Variants in BIN1 observed in about 807,000 individuals in gnomAD.
The protein encoded by BIN1 is bridging integrator 1.
In BIN1, 53 loss-of-function variants were observed where a neutral mutation model predicts 82.0. The ratio of observed to expected loss-of-function variants is 0.65; its 90% CI spans 0.52 to 0.81. The LOEUF is 0.81. Among genes scored for constraint, BIN1 ranks in the 40% least tolerant of loss-of-function variants. The probability of loss-of-function intolerance (pLI) is 0.00; values close to 1 mark genes in which losing one functional copy is unlikely to be tolerated. For missense variants in BIN1, 642 were observed against 784.4 expected (o/e 0.82, Z 2.17); for synonymous variants, 302 against 328.0 (o/e 0.92, Z 0.86).
intron 1 of BIN1, among the ~76,000 whole-genome samples, chr2:127,094,165 AG>A: frequency 6.6e-6 from 1 of 152,302 alleles, no homozygotes; most frequent in South Asian, 2.1e-4. Flanking sequence ...TGAAACTTGG[AG>A]GGGGAGTAAC....
intron 1 of BIN1, among the ~76,000 whole-genome samples, chr2:127,091,725 C>A (rs1358984844): frequency 6.6e-6 from 1 of 150,414 alleles, no homozygotes; most frequent in Non-Finnish European, 1.5e-5. Context: ...CCCATTTCTA[C>A]AAAAAAAAAA....
chr2:127,069,904 C>A, intron 5 of BIN1, 91 bp downstream of exon 5: 2 of 1,366,452 alleles, frequency 1.5e-6, no homozygotes, highest in Admixed American at 1.9e-5. Context: ...AGGACAGCCT[C>A]CTCCTGGCCT....
chr2:127,093,262 G>A lies in BIN1; in HGVS notation c.84+13598C>T, dbSNP rs1679174653. On this transcript the variant is annotated intron_variant, in intron 1 of 18. Coordinates refer to ENST00000316724, the MANE Select transcript of BIN1 (RefSeq NM_139343.3). The surrounding 1 kb of genome is among the most constrained non-coding windows in gnomAD (Gnocchi z 5.7). ...AACAAAGGGCATGTGAAAGGCCTCA[G>A]AGGTAAGCTCTCTGTGACCTTCTCC... Among the ~76,000 whole-genome samples, 2 of 152,232 alleles carry A rather than the reference G, an allele frequency of 1.3e-5. No individual in the cohort carries two copies. Among genetic ancestry groups the A allele is most frequent in the South Asian group, 4.1e-4 (2 of 4,834 alleles).
intron 2 of BIN1, among the ~76,000 whole-genome samples, chr2:127,076,297 A>G (rs889842573): frequency 1.3e-5 from 2 of 152,038 alleles, no homozygotes. Context: ...AGAAGCTTCT[A>G]TAGCTCCCAC....
At chr2:127,064,355 C>A (rs1684883159) in intron 7 of BIN1, among the ~76,000 whole-genome samples, 1 of 152,182 alleles carries the variant, frequency 6.6e-6, no homozygotes, top group African/African-American at 2.4e-5. Context: ...CAGAGGCAGA[C>A]CCCAGACCCA....
Position 127,057,457 on chromosome 2 carries a change from G to A in BIN1, c.1131+16C>T, listed in dbSNP as rs1361206153. 18 of 1,542,266 alleles carry A rather than the reference G, an allele frequency of 1.2e-5. No homozygotes were observed. Among genetic ancestry groups the A allele is most frequent in the African/African-American group, 5.5e-5 (4 of 72,946 alleles). ...CAGGAAGAGAGGAGAGCTGGGCCGC[G>A]GCGGCCGCGGCTGACCTGGGAGGGG... is the stretch of plus-strand genomic sequence containing the variant. On this transcript the variant is annotated intron_variant, in intron 12 of 18. Transcript: ENST00000316724. This position sits in a 1 kb window ranked among gnomAD's most constrained non-coding sequence, Gnocchi z 5.0.
At chr2:127,102,357 G>C (rs556752676) in intron 1 of BIN1, among the ~76,000 whole-genome samples, 1 of 152,208 alleles carries the variant, frequency 6.6e-6, no homozygotes, top group Non-Finnish European at 1.5e-5. Context: ...TGAAGAGGGC[G>C]CAGAGAGTTC....
chr2:127,059,237 T>C lies in BIN1; in HGVS notation c.858-82A>G. ...GGAGGGGCAAATGTATTGACGTCTG[T>C]GTGAAGAGGTGTGTGCATATGGAGG... On this transcript the variant is annotated intron_variant, in intron 10 of 18. Coordinates refer to ENST00000316724, the MANE Select transcript of BIN1 (RefSeq NM_139343.3). This position sits in a 1 kb window ranked among gnomAD's most constrained non-coding sequence, Gnocchi z 6.7. 3.4e-6 allele frequency: 5 copies of C among 1,482,998 alleles called. No homozygotes were observed. In the Middle Eastern group the frequency reaches 5.1e-4, roughly 151 times the overall value. The allele number at this position is 1,482,998 out of a possible 1,614,324, so 91.9% of individuals were successfully genotyped here.
At position 127,076,608 on chromosome 2, in the gene BIN1, A is replaced by C. The variant is rs1223538669; in HGVS notation, c.165+18T>G. 1.2e-6 allele frequency: 2 copies of C among 1,614,038 alleles called. No individual in the cohort carries two copies. Among genetic ancestry groups the C allele is most frequent in the Non-Finnish European group, 1.7e-6 (2 of 1,179,988 alleles). The stretch of plus-strand genomic sequence containing the variant: ...AATTTTCACAAACTCCCTAAGGCCA[A>C]GGGCCACCCACACTCACCAGCTGCT... On this transcript the variant is annotated intron_variant, in intron 2 of 18. Coordinates refer to ENST00000316724, the MANE Select transcript of BIN1 (RefSeq NM_139343.3).
rs768007611 is a variant in BIN1 at position 127,106,843 on chromosome 2, G to C, written c.84+17C>G. 1.3e-6 allele frequency: 2 copies of C among 1,587,300 alleles called. No individual in the cohort carries two copies. The highest frequency in any genetic ancestry group is 1.7e-4 in the Middle Eastern group (1 of 5,920). On this transcript the variant is annotated intron_variant, in intron 1 of 18. Coordinates refer to ENST00000316724, the MANE Select transcript of BIN1 (RefSeq NM_139343.3). ...GCGGCTGGGACTCCGCGGCTGCTGG[G>C]GCTCCGGCTCGCTCACCTTCTCCTG... is the stretch of plus-strand genomic sequence containing the variant.
rs1682406958 is a variant in BIN1 at position 127,048,136 on chromosome 2, G to A, written c.*390C>T. The A allele has an allele frequency of 3.2e-6, 1 of 310,654 alleles. No individual in the cohort carries two copies. The allele number at this position is 310,654 out of a possible 1,614,324, so 19.2% of individuals were successfully genotyped here. A position where few individuals can be genotyped will look rare whatever the true frequency, so the allele number is the denominator to read the frequency against. On this transcript the variant is annotated 3_prime_UTR_variant, in exon 19 of 19. Transcript: ENST00000316724. ...TGCGGGGCAGAGCCAGGCTAGGCTGGTGTCTGGGCCCCACCCACAGCAGCT... is the reference window on the plus strand; with the variant it reads ...TGCGGGGCAGAGCCAGGCTAGGCTGATGTCTGGGCCCCACCCACAGCAGCT...
Position 127,048,267 on chromosome 2 carries a change from C to T in BIN1, c.*259G>A. ...CCCTGCGGCCAGGCACACATGCGGG[C>T]ACAGGCAGGGGCGCCAGAAACTCAA... On this transcript the variant is annotated 3_prime_UTR_variant, in exon 19 of 19. Coordinates refer to ENST00000316724, the MANE Select transcript of BIN1 (RefSeq NM_139343.3). The T allele has an allele frequency of 2.1e-6, 1 of 481,058 alleles. No individual in the cohort carries two copies. The highest frequency in any genetic ancestry group is 2.0e-5 in the African/African-American group (1 of 51,058). 29.8% of individuals were successfully genotyped at this position (481,058 alleles called of 1,614,324 possible). A position where few individuals can be genotyped will look rare whatever the true frequency, so the allele number is the denominator to read the frequency against.
chr2:127,070,608 T>C lies in BIN1; in HGVS notation c.260A>G (p.Gln87Arg), dbSNP rs1436882543. 8 of 1,614,078 alleles carry C rather than the reference T, an allele frequency of 5.0e-6. No individual in the cohort carries two copies. In the East Asian group the frequency reaches 1.8e-4, roughly 36 times the overall value. The change falls in exon 4 of 19, where the codon CAG becomes CGG. Residue 87 changes from glutamine to arginine, a missense_variant. Coordinates refer to ENST00000316724, the MANE Select transcript of BIN1 (RefSeq NM_139343.3). Reference sequence around the variant, plus strand: ...GGGCCAATCGGGCTCATACACCTCCTGCAGACACTCATTCAGCTTCTTGGA... The same window carrying C: ...GGGCCAATCGGGCTCATACACCTCCCGCAGACACTCATTCAGCTTCTTGGA... ...EASKKLNECLQEVYEPDWPGR... is the reference protein window; with the variant it reads ...EASKKLNECLREVYEPDWPGR...
In BIN1 at chr2:127,096,002, C is replaced by T. The variant is rs1378917232; in HGVS notation, c.84+10858G>A. Reference sequence around the variant, plus strand: ...CGGTCCCCAGGTGGGTACACTGAGGCTTGGTGGCCCACCTGGAGCCTGTGG... The same window carrying T: ...CGGTCCCCAGGTGGGTACACTGAGGTTTGGTGGCCCACCTGGAGCCTGTGG... On this transcript the variant is annotated intron_variant, in intron 1 of 18. Transcript: ENST00000316724. 2.0e-5 allele frequency among the ~76,000 whole-genome samples: 3 copies of T among 152,166 alleles called. No homozygotes were observed. The East Asian group carries it at 5.8e-4, about 29-fold the overall frequency.
chr2:127,088,732 G>A (rs545792401), intron 1 of BIN1, among the ~76,000 whole-genome samples: 4 of 148,940 alleles, frequency 2.7e-5, no homozygotes, highest in South Asian at 2.1e-4. Context: ...GAGCAAGACC[G>A]TATCTCTTAA....
At chr2:127,074,239 TC>T (rs1686309876) in intron 2 of BIN1, among the ~76,000 whole-genome samples, 1 of 151,570 alleles carries the variant, frequency 6.6e-6, no homozygotes, top group Non-Finnish European at 1.5e-5. Context: ...CTGAATTCAC[TC>T]CCCCAACAAC....
chr2:127,079,092 A>G (rs1196906203), intron 1 of BIN1, among the ~76,000 whole-genome samples: 1 of 152,180 alleles, frequency 6.6e-6, no homozygotes, highest in Non-Finnish European at 1.5e-5. Context: ...CACACTGGCC[A>G]CCAGGGCTCC....
At chr2:127,069,731 A>AACACACACACACACACAC (rs3832046) in intron 5 of BIN1, among the ~76,000 whole-genome samples, 4 of 147,586 alleles carry the variant, frequency 2.7e-5, no homozygotes, top group African/African-American at 1.0e-4. Flanking sequence ...ACTCCGCAGC[A>AACACACACACACACACAC]ACACACACAC....
intron 10 of BIN1, 80 bp downstream of exon 10, chr2:127,062,035 G>A (rs1285898408): frequency 8.0e-6 from 12 of 1,498,104 alleles, no homozygotes; most frequent in Non-Finnish European, 1.1e-5. Context: ...GACCAGGGAG[G>A]GCACCAACAG....
Sources: allele counts gnomAD v4.1 joint callset (sites outside exome capture counted in the v4.1 genomes callset), GRCh38; gene constraint gnomAD v4.1.1; non-coding constraint Gnocchi (gnomAD v3.1); transcripts MANE v1.5; gene names NCBI Gene and HGNC (gene_info 2026-07-23, HGNC 2026-07-21).